Variants in PIP4P2 observed in about 807,000 individuals in gnomAD.
PIP4P2 encodes the protein phosphatidylinositol-4,5-bisphosphate 4-phosphatase 2, also known as type 2 phosphatidylinositol 4,5-bisphosphate 4-phosphatase.
Under a neutral mutation model 33.3 loss-of-function variants are expected in PIP4P2, and 19 were observed. The ratio of observed to expected loss-of-function variants is 0.57; its 90% CI spans 0.40 to 0.84. PIP4P2 has a LOEUF of 0.84. Ranked by LOEUF, PIP4P2 falls within the 40% of genes least tolerant of loss-of-function variation. The probability of loss-of-function intolerance (pLI) is 0.00; values close to 1 mark genes in which losing one functional copy is unlikely to be tolerated. For missense variants in PIP4P2, 270 were observed against 324.7 expected (o/e 0.83, Z 1.29); for synonymous variants, 110 against 111.9 (o/e 0.98, Z 0.11).
chr8:90,995,839 T>A lies in PIP4P2; in HGVS notation c.631-19A>T, dbSNP rs529784952. 1 of 1,586,736 alleles carries A rather than the reference T, an allele frequency of 6.3e-7. No individual in the cohort carries two copies. The highest frequency in any genetic ancestry group is 8.5e-7 in the Non-Finnish European group (1 of 1,172,026). On this transcript the variant is annotated intron_variant, in intron 6 of 6. Transcript: ENST00000285419. ...TGCCAACCTAAAATAAAAAGCAATA[T>A]AAAAACAAAATATTAGAAACTTTAA...
At chr8:90,997,875 T>C (rs1244815323) in intron 5 of PIP4P2, among the ~76,000 whole-genome samples, 2 of 152,098 alleles carry the variant, frequency 1.3e-5, no homozygotes, top group Non-Finnish European at 2.9e-5. Flanking sequence ...CATACAAAAT[T>C]ATTTCCTTTA....
chr8:91,038,372 T>C (rs1812260898), intron 1 of PIP4P2, among the ~76,000 whole-genome samples: 2 of 152,200 alleles, frequency 1.3e-5, no homozygotes, highest in South Asian at 4.1e-4. Flanking sequence ...GTAAATGGGA[T>C]CATTAACTAA....
At chr8:91,007,061 C>A (rs953439197) in intron 5 of PIP4P2, among the ~76,000 whole-genome samples, 3 of 152,056 alleles carry the variant, frequency 2.0e-5, no homozygotes, top group Admixed American at 6.6e-5. Flanking sequence ...TAATTTTGTA[C>A]ATTTTCGTGA....
At chr8:91,018,264 T>C in intron 4 of PIP4P2, 126 bp downstream of exon 4, 2 of 1,436,586 alleles carry the variant, frequency 1.4e-6, no homozygotes, top group Non-Finnish European at 1.9e-6. Flanking sequence ...TCTGCCTAAA[T>C]AAGTCTCTAT....
chr8:91,033,821 G>A (rs532854060), intron 1 of PIP4P2, among the ~76,000 whole-genome samples: 10 of 151,950 alleles, frequency 6.6e-5, no homozygotes, highest in African/African-American at 2.4e-4. Context: ...ACTCTGTTGC[G>A]CAGGCTGGAG....
At chr8:91,001,197 A>G (rs963937052) in intron 5 of PIP4P2, among the ~76,000 whole-genome samples, 1 of 152,124 alleles carries the variant, frequency 6.6e-6, no homozygotes, top group Non-Finnish European at 1.5e-5. Flanking sequence ...TTATAATACA[A>G]TATTATAAAC....
intron 5 of PIP4P2, among the ~76,000 whole-genome samples, chr8:90,997,326 A>G (rs1811641965): frequency 6.6e-6 from 1 of 152,110 alleles, no homozygotes; most frequent in Non-Finnish European, 1.5e-5. Flanking sequence ...GATGAATATA[A>G]CATAATTAAA....
intron 1 of PIP4P2, among the ~76,000 whole-genome samples, chr8:91,029,400 G>T (rs1586185569): frequency 6.6e-6 from 1 of 152,124 alleles, no homozygotes; most frequent in Non-Finnish European, 1.5e-5. Flanking sequence ...TCTTCCCTTT[G>T]TCATGTGGAT....
chr8:91,036,595 A>C (rs1166800693), intron 1 of PIP4P2, among the ~76,000 whole-genome samples: 2 of 152,200 alleles, frequency 1.3e-5, no homozygotes, highest in Non-Finnish European at 2.9e-5. Flanking sequence ...GAAATAGTTC[A>C]GTTAAATTGC....
Position 91,040,736 on chromosome 8 carries a change from C to A in PIP4P2, c.14G>T (p.Gly5Val). 6.2e-7 allele frequency: 1 copy of A among 1,612,096 alleles called. No individual in the cohort carries two copies. The part of the protein sequence containing the change: MAAD[G>V]VDERSPLLSA... ...CAGCAGAGGCGAGCGTTCGTCCACC[C>A]CATCAGCAGCCATGACTGCGGCAGC... The change falls in exon 1 of 7, where the codon GGG becomes GTG. Residue 5 changes from glycine to valine, a missense_variant. Physicochemically the swap from Gly to Val is moderately radical, Grantham distance 109. Coordinates refer to ENST00000285419, the MANE Select transcript of PIP4P2 (RefSeq NM_018710.3).
intron 1 of PIP4P2, 106 bp from the exon 2 acceptor site, chr8:91,021,510 G>T (rs112193111): frequency 1.5e-6 from 2 of 1,327,758 alleles, no homozygotes; most frequent in East Asian, 2.4e-5. Flanking sequence ...ATTTTCCCAC[G>T]TTCTTTTATT....
chr8:91,003,183 A>C (rs1811722472), intron 5 of PIP4P2, among the ~76,000 whole-genome samples: 1 of 152,214 alleles, frequency 6.6e-6, no homozygotes, highest in Non-Finnish European at 1.5e-5. Context: ...ATTGGGAGCC[A>C]CTAAAAGATT....
At chr8:91,017,377 C>T (rs1214054411) in intron 4 of PIP4P2, among the ~76,000 whole-genome samples, 2 of 151,124 alleles carry the variant, frequency 1.3e-5, no homozygotes, top group Non-Finnish European at 1.5e-5. Flanking sequence ...CCAGCCTGGG[C>T]GACGGAGTGA....
At chr8:91,037,391 T>C (rs1289545171) in intron 1 of PIP4P2, among the ~76,000 whole-genome samples, 1 of 152,224 alleles carries the variant, frequency 6.6e-6, no homozygotes, top group African/African-American at 2.4e-5. Flanking sequence ...GTCCACCTTT[T>C]GCCAAGTTAA....
At chr8:91,013,132 C>T (rs1308010700) in intron 4 of PIP4P2, among the ~76,000 whole-genome samples, 1 of 152,128 alleles carries the variant, frequency 6.6e-6, no homozygotes, top group Non-Finnish European at 1.5e-5. Context: ...CTATCCATTC[C>T]TCTCCTATTA....
intron 1 of PIP4P2, chr8:91,024,228 A>C (rs1812051053): frequency 2.8e-6 from 1 of 359,704 alleles, no homozygotes. Context: ...CTTCAGCCTT[A>C]AACTGATTTA....
chr8:91,026,275 C>T (rs1462363036), intron 1 of PIP4P2, among the ~76,000 whole-genome samples: 1 of 152,070 alleles, frequency 6.6e-6, no homozygotes, highest in Non-Finnish European at 1.5e-5. Context: ...ATTACTTCAC[C>T]CTGGCAGTGG....
At chr8:90,996,101 T>C (rs147289529) in intron 6 of PIP4P2, among the ~76,000 whole-genome samples, 192 of 152,222 alleles carry the variant, frequency 1.3e-3, no homozygotes, top group African/African-American at 4.3e-3. Flanking sequence ...TGGGACACAA[T>C]AGGACATTGC....
chr8:91,030,275 T>A lies in PIP4P2; in HGVS notation c.107-8871A>T, dbSNP rs545011891. 2.0e-5 allele frequency among the ~76,000 whole-genome samples: 3 copies of A among 151,696 alleles called. No homozygotes were observed. In the South Asian group the frequency reaches 6.2e-4, roughly 32 times the overall value. On this transcript the variant is annotated intron_variant, in intron 1 of 6. Coordinates refer to ENST00000285419, the MANE Select transcript of PIP4P2 (RefSeq NM_018710.3). ...AGACTATAAATGGCTAATAAGTGTATGAGGCAATGAGTATGGTCTTAGGGA... is the reference window on the plus strand; with the variant it reads ...AGACTATAAATGGCTAATAAGTGTAAGAGGCAATGAGTATGGTCTTAGGGA...
Sources: gnomAD v4.1 joint callset for allele counts (sites outside exome capture counted in the v4.1 genomes callset) on GRCh38, gnomAD v4.1.1 for gene constraint, MANE v1.5 for transcripts, NCBI Gene and HGNC (gene_info 2026-07-23, HGNC 2026-07-21) for gene names.